Variants in CFAP251 observed in about 807,000 individuals in gnomAD.
The protein encoded by CFAP251 is cilia and flagella associated protein 251.
Under a neutral mutation model 126.7 loss-of-function variants are expected in CFAP251, and 93 were observed. That is an observed-to-expected ratio of 0.73 (90% CI 0.62 to 0.87). CFAP251 has a LOEUF of 0.87. Among genes scored for constraint, CFAP251 ranks in the 40% least tolerant of loss-of-function variants. CFAP251 has a pLI of 0.00. For synonymous variants in CFAP251, 503 were observed against 506.9 expected, an observed-to-expected ratio of 0.99 and a Z score of 0.10; for missense variants, 1,287 against 1,389.2, an observed-to-expected ratio of 0.93 and a Z score of 1.17.
chr12:121,958,941 A>G lies in CFAP251; in HGVS notation c.1982-2A>G. The stretch of plus-strand genomic sequence containing the variant: ...CCATCGTTCTCTGGCTTGTCATTTC[A>G]GGAGCCCTTCTTGGAGCTGGCTTTA... On this transcript the variant is annotated splice_acceptor_variant, in intron 12 of 21. Coordinates refer to ENST00000288912, the MANE Select transcript of CFAP251 (RefSeq NM_144668.6). LOFTEE classifies it high-confidence loss of function. 6.3e-7 allele frequency: 1 copy of G among 1,580,222 alleles called. No homozygotes were observed. The highest frequency in any genetic ancestry group is 1.2e-5 in the South Asian group (1 of 84,610).
chr12:121,924,990 C>G (rs536249223), intron 3 of CFAP251, among the ~76,000 whole-genome samples: 17 of 151,990 alleles, frequency 1.1e-4, no homozygotes, highest in Non-Finnish European at 2.4e-4. Flanking sequence ...CCTCCCCTCT[C>G]CTTTCCCTTT....
intron 7 of CFAP251, among the ~76,000 whole-genome samples, chr12:121,946,223 A>C (rs753156493): frequency 7.2e-5 from 11 of 152,212 alleles, no homozygotes; most frequent in Non-Finnish European, 1.6e-4. Flanking sequence ...TGTTGCACGT[A>C]TCAGTAGTGT....
At chr12:121,969,675 GATACAGAGTCA>G (rs1882269983) in intron 17 of CFAP251, 1 of 893,094 alleles carries the variant, frequency 1.1e-6, no homozygotes, top group Non-Finnish European at 1.3e-6. Flanking sequence ...TTTTTTTGTC[GATACAGAGTCA>G]CACCAAGCCT....
chr12:121,992,687 C>T (rs181501945), intron 19 of CFAP251, among the ~76,000 whole-genome samples: 2 of 152,034 alleles, frequency 1.3e-5, no homozygotes, highest in African/African-American at 4.8e-5. Context: ...AGGTGATCCT[C>T]CCATCTCAGC....
chr12:121,957,115 A>G lies in CFAP251; in HGVS notation c.1577A>G (p.Tyr526Cys), dbSNP rs201561364. The G allele has an allele frequency of 2.5e-5, 40 of 1,610,070 alleles. No homozygotes were observed. The highest frequency in any genetic ancestry group is 1.7e-4 in the Middle Eastern group (1 of 6,054). The change falls in exon 11 of 22, where the codon TAT (tyrosine) becomes TGT (cysteine). Residue 526 changes from tyrosine to cysteine, a missense_variant. Coordinates refer to ENST00000288912, the MANE Select transcript of CFAP251 (RefSeq NM_144668.6). ...GACATTAAGGGGAACATTAAGTTCT[A>G]TGATCACACCCTGTCTATTGTTAAC... Reference protein sequence around the residue: ...TGDIKGNIKFYDHTLSIVNWY... With the variant: ...TGDIKGNIKFCDHTLSIVNWY...
intron 10 of CFAP251, among the ~76,000 whole-genome samples, chr12:121,955,397 G>T (rs1881692934): frequency 6.6e-6 from 1 of 152,138 alleles, no homozygotes. Context: ...TCCCTTCCTT[G>T]CTGAGTGACC....
intron 9 of CFAP251, among the ~76,000 whole-genome samples, chr12:121,952,238 A>G (rs1881554694): frequency 1.6e-5 from 1 of 64,504 alleles, no homozygotes; most frequent in Non-Finnish European, 3.0e-5. Flanking sequence ...CTTCGTTTCT[A>G]CTAAAAAAAA....
chr12:121,986,247 C>T (rs1036328645), intron 19 of CFAP251, among the ~76,000 whole-genome samples: 1 of 151,836 alleles, frequency 6.6e-6, no homozygotes, highest in Non-Finnish European at 1.5e-5. Flanking sequence ...CCACCTTGGC[C>T]TCCCAAAGTG....
chr12:121,993,982 A>G (rs1218665021), intron 19 of CFAP251, among the ~76,000 whole-genome samples: 2 of 54,228 alleles, frequency 3.7e-5, no homozygotes, highest in Non-Finnish European at 5.1e-5. Flanking sequence ...TGGGGGGGTC[A>G]GCCCCCCGCC....
chr12:121,964,450 G>A (rs993203457), intron 15 of CFAP251, among the ~76,000 whole-genome samples: 1 of 152,206 alleles, frequency 6.6e-6, no homozygotes, highest in African/African-American at 2.4e-5. Flanking sequence ...CGGGCCTGAA[G>A]TTCCTGCTAA....
intron 10 of CFAP251, among the ~76,000 whole-genome samples, chr12:121,954,657 A>AC (rs1400307775): frequency 0.012 from 1,714 of 144,984 alleles, 49 homozygotes; most frequent in African/African-American, 0.041. Context: ...AAAAAAAAAA[A>AC]AAAAAAAAAA....
intron 19 of CFAP251, chr12:121,997,048 G>A (rs1883034771): frequency 6.6e-6 from 1 of 152,204 alleles, no homozygotes; most frequent in African/African-American, 2.4e-5. Context: ...AAGTGACTGG[G>A]TTTAAGATGA....
chr12:121,996,933 T>C (rs545686697), intron 19 of CFAP251: 2 of 152,344 alleles, frequency 1.3e-5, no homozygotes, highest in African/African-American at 2.4e-5. Context: ...TCACATTTTC[T>C]TTTTGCTTCA....
chr12:121,954,374 T>C (rs1324484826), intron 10 of CFAP251, 40 bp downstream of exon 10: 2 of 1,527,848 alleles, frequency 1.3e-6, no homozygotes, highest in South Asian at 1.2e-5. Flanking sequence ...TGGATAATTA[T>C]AAAAATATTT....
At chr12:121,992,291 T>TG in intron 19 of CFAP251, 1 of 985,418 alleles carries the variant, frequency 1.0e-6, no homozygotes, top group Non-Finnish European at 1.2e-6. Flanking sequence ...AACGAACACT[T>TG]GCGAAGTCGG....
At position 121,959,054 on chromosome 12, in the gene CFAP251, A is replaced by C. The variant is rs1299317075; in HGVS notation, c.2093A>C (p.His698Pro). 1 of 1,609,840 alleles carries C rather than the reference A, an allele frequency of 6.2e-7. No homozygotes were observed. ...PFKYSRTSVT[H>P]ISFSHDSQYM... ...AAATATTCCAGAACCAGTGTGACTC[A>C]TATAAGCTTTTCCCATGACTCCCAG... The change falls in exon 13 of 22, where the codon CAT becomes CCT. Residue 698 changes from histidine to proline, a missense_variant. Coordinates refer to ENST00000288912, the MANE Select transcript of CFAP251 (RefSeq NM_144668.6).
chr12:121,926,896 A>G (rs1309464777), intron 3 of CFAP251, among the ~76,000 whole-genome samples: 2 of 152,202 alleles, frequency 1.3e-5, no homozygotes, highest in Non-Finnish European at 2.9e-5. Flanking sequence ...GTGAGCCAAG[A>G]TTGCGCCATT....
At chr12:121,981,265 A>C (rs1882613756) in intron 19 of CFAP251, among the ~76,000 whole-genome samples, 1 of 151,912 alleles carries the variant, frequency 6.6e-6, no homozygotes, top group Non-Finnish European at 1.5e-5. Flanking sequence ...TAAGCCCAGG[A>C]GTTCAAGACC....
At chr12:121,985,283 C>T (rs962302330) in intron 19 of CFAP251, among the ~76,000 whole-genome samples, 3 of 152,070 alleles carry the variant, frequency 2.0e-5, no homozygotes, top group Non-Finnish European at 4.4e-5. Flanking sequence ...CCTGTAATCC[C>T]AGCACTTTGG....
Sources: gnomAD v4.1 joint callset for allele counts (sites outside exome capture counted in the v4.1 genomes callset) on GRCh38, gnomAD v4.1.1 for gene constraint, MANE v1.5 for transcripts, NCBI Gene and HGNC (gene_info 2026-07-23, HGNC 2026-07-21) for gene names.